Variants in HECW2 observed in about 807,000 individuals in gnomAD.
The protein encoded by HECW2 is E3 ubiquitin-protein ligase HECW2.
Under a neutral mutation model 175.2 loss-of-function variants are expected in HECW2, and 61 were observed. The observed-to-expected ratio is 0.35, with a 90% CI of 0.28 to 0.43. The LOEUF (loss-of-function observed/expected upper bound fraction) is 0.43. Among genes scored for constraint, HECW2 ranks in the 20% least tolerant of loss-of-function variants. The pLI, the probability that HECW2 is intolerant of heterozygous loss-of-function variation, is 1.00. For synonymous variants in HECW2, 671 were observed against 731.0 expected (o/e 0.92, Z 1.32); for missense variants, 1,524 against 2,000.5 (o/e 0.76, Z 4.54).
At chr2:196,543,683 G>C (rs573792251) in intron 1 of HECW2, among the ~76,000 whole-genome samples, 15 of 152,146 alleles carry the variant, frequency 9.9e-5, no homozygotes, top group Admixed American at 8.5e-4. Flanking sequence ...CGCAATCTTG[G>C]CTCACTGCAA....
At position 196,211,514 on chromosome 2, in the gene HECW2, A is replaced by G. The variant is rs140052581; in HGVS notation, c.4607+4351T>C. Among the ~76,000 whole-genome samples the G allele has an allele frequency of 1.6e-3, 250 of 152,238 alleles. 7 individuals are homozygous for G. The East Asian group carries it at 0.045, about 28-fold the overall frequency. On this transcript the variant is annotated intron_variant, in intron 28 of 28. Transcript: ENST00000644978. ...CATCTGGGTCTCTAGTCACTTCATAACCACAAGAGGAAAAAAGAGCCATGG... is the reference window on the plus strand; with the variant it reads ...CATCTGGGTCTCTAGTCACTTCATAGCCACAAGAGGAAAAAAGAGCCATGG...
intron 2 of HECW2, among the ~76,000 whole-genome samples, chr2:196,409,935 T>C (rs1350194360): frequency 6.6e-6 from 1 of 152,200 alleles, no homozygotes; most frequent in African/African-American, 2.4e-5. Flanking sequence ...ACAAGAATCA[T>C]AAAAAGATTT....
intron 28 of HECW2, among the ~76,000 whole-genome samples, chr2:196,204,490 A>C (rs1050381384): frequency 1.3e-5 from 2 of 152,184 alleles, no homozygotes; most frequent in East Asian, 1.9e-4. Context: ...CTATAGCTGC[A>C]AGGAATGAAT....
In HECW2 at chr2:196,401,283, G is replaced by T. The variant is rs568314460; in HGVS notation, c.292+31849C>A. On this transcript the variant is annotated intron_variant, in intron 2 of 28. Coordinates refer to ENST00000644978, the MANE Select transcript of HECW2 (RefSeq NM_001348768.2). ...GCATATTAAGGAGTACTATCAAGAA[G>T]TTATAAACAATGAATATTGAGATGG... is the stretch of plus-strand genomic sequence containing the variant. 7.9e-5 allele frequency among the ~76,000 whole-genome samples: 12 copies of T among 152,274 alleles called. No individual in the cohort carries two copies. The South Asian group carries it at 2.3e-3, about 29-fold the overall frequency.
intron 2 of HECW2, among the ~76,000 whole-genome samples, chr2:196,399,475 C>T (rs1215086584): frequency 2.0e-5 from 3 of 152,118 alleles, no homozygotes; most frequent in Non-Finnish European, 4.4e-5. Flanking sequence ...TTAAGGATTC[C>T]CCAAAACTGA....
chr2:196,566,724 T>G (rs1559179077), intron 1 of HECW2, among the ~76,000 whole-genome samples: 1 of 74,940 alleles, frequency 1.3e-5, no homozygotes, highest in African/African-American at 5.1e-5. Flanking sequence ...TTTTTTTTTT[T>G]GTATTTTTGG....
chr2:196,317,217 G>A (rs569638100), intron 10 of HECW2, 57 bp downstream of exon 10: 8 of 1,304,564 alleles, frequency 6.1e-6, no homozygotes, highest in African/African-American at 2.9e-5. Flanking sequence ...GAATGGGTCT[G>A]CCTGTCACCT....
intron 19 of HECW2, among the ~76,000 whole-genome samples, chr2:196,251,732 A>G (rs1303408570): frequency 6.6e-6 from 1 of 152,126 alleles, no homozygotes; most frequent in Non-Finnish European, 1.5e-5. Flanking sequence ...TCCACTGCCT[A>G]GTCCAGTCTT....
intron 1 of HECW2, among the ~76,000 whole-genome samples, chr2:196,459,845 T>G (rs1376414671): frequency 6.6e-6 from 1 of 152,190 alleles, no homozygotes; most frequent in Admixed American, 6.5e-5. Context: ...AATTCCACCC[T>G]GGATCATGCT....
chr2:196,419,215 G>T (rs371427459), intron 2 of HECW2, among the ~76,000 whole-genome samples: 1 of 152,164 alleles, frequency 6.6e-6, no homozygotes, highest in Non-Finnish European at 1.5e-5. Context: ...ATACCTAAGG[G>T]AGTAGGAAAA....
chr2:196,471,546 C>G (rs1697197706), intron 1 of HECW2, among the ~76,000 whole-genome samples: 1 of 152,120 alleles, frequency 6.6e-6, no homozygotes, highest in Non-Finnish European at 1.5e-5. Flanking sequence ...CCCACAAAAG[C>G]AAAGACATAG....
At chr2:196,508,772 T>A (rs1375083111) in intron 1 of HECW2, among the ~76,000 whole-genome samples, 2 of 152,182 alleles carry the variant, frequency 1.3e-5, no homozygotes, top group African/African-American at 4.8e-5. Context: ...ATTGTCCCCA[T>A]CCCTGAAGAA....
intron 1 of HECW2, among the ~76,000 whole-genome samples, chr2:196,547,144 A>G (rs1048027636): frequency 1.4e-4 from 21 of 152,198 alleles, no homozygotes; most frequent in Non-Finnish European, 1.3e-4. Context: ...ATCAAAATGG[A>G]TATCAGAAAT....
intron 1 of HECW2, among the ~76,000 whole-genome samples, chr2:196,591,689 A>C (rs2125541407): frequency 6.6e-6 from 1 of 152,234 alleles, no homozygotes; most frequent in Admixed American, 6.5e-5. Context: ...GAAGAATACA[A>C]TGACCCTTTA....
At chr2:196,462,652 A>G (rs1348869725) in intron 1 of HECW2, among the ~76,000 whole-genome samples, 1 of 152,148 alleles carries the variant, frequency 6.6e-6, no homozygotes, top group Non-Finnish European at 1.5e-5. Flanking sequence ...ATAAACTTGT[A>G]AATCTCTGAA....
chr2:196,444,941 T>G (rs1696141517), intron 1 of HECW2, among the ~76,000 whole-genome samples: 1 of 152,166 alleles, frequency 6.6e-6, no homozygotes, highest in Non-Finnish European at 1.5e-5. Context: ...CCCTGCAAAT[T>G]TATCTATTCT....
intron 1 of HECW2, among the ~76,000 whole-genome samples, chr2:196,464,233 T>C (rs1696858263): frequency 6.6e-6 from 1 of 152,158 alleles, no homozygotes; most frequent in Non-Finnish European, 1.5e-5. Context: ...TCATCTTAAC[T>C]CTCATTTTAG....
intron 28 of HECW2, among the ~76,000 whole-genome samples, chr2:196,211,371 C>A (rs1336526472): frequency 2.6e-5 from 4 of 152,192 alleles, no homozygotes; most frequent in African/African-American, 9.7e-5. Flanking sequence ...GGTATGAAGT[C>A]TTCCACAGAA....
At chr2:196,504,821 T>A (rs1005760542) in intron 1 of HECW2, among the ~76,000 whole-genome samples, 1 of 152,150 alleles carries the variant, frequency 6.6e-6, no homozygotes, top group African/African-American at 2.4e-5. Context: ...GCTTTTTACA[T>A]AGATTATCTC....
Sources: allele counts gnomAD v4.1 joint callset (sites outside exome capture counted in the v4.1 genomes callset), GRCh38; gene constraint gnomAD v4.1.1; transcripts MANE v1.5; gene names NCBI Gene and HGNC (gene_info 2026-07-23, HGNC 2026-07-21).